The following UBE2V1 variants were observed in gnomAD, a reference collection of about 807,000 sequenced individuals.
UBE2V1 encodes the protein ubiquitin conjugating enzyme E2 V1, also known as ubiquitin-conjugating enzyme E2 variant 1.
A neutral mutation model predicts 19.6 loss-of-function variants in UBE2V1; 15 were observed. That is an observed-to-expected ratio of 0.77 (90% confidence interval 0.51 to 1.18). The LOEUF (loss-of-function observed/expected upper bound fraction) is 1.18, where lower values mean the gene tolerates loss of function less well. Ranked by LOEUF, UBE2V1 falls within the 50% of genes most tolerant of loss-of-function variation. UBE2V1 has a pLI of 0.00. For synonymous variants in UBE2V1, 60 were observed against 60.7 expected (o/e 0.99, Z 0.05); for missense variants, 125 against 184.8 (o/e 0.68, Z 1.88).
chr20:50,111,325 G>A (rs1189675454), intron 1 of UBE2V1: 1 of 994,234 alleles, frequency 1.0e-6, no homozygotes, highest in Non-Finnish European at 1.2e-6. Flanking sequence ...TTAGAACCGG[G>A]CAGCTGTTAA....
intron 1 of UBE2V1, chr20:50,108,912 C>T (rs1337384452): frequency 2.2e-5 from 22 of 984,836 alleles, no homozygotes; most frequent in Non-Finnish European, 1.2e-6. Context: ...TACTAAAGCC[C>T]TTTCTCTCTC....
At chr20:50,090,106 G>C (rs770787202) in intron 2 of UBE2V1, among the ~76,000 whole-genome samples, 1 of 152,204 alleles carries the variant, frequency 6.6e-6, no homozygotes, top group Admixed American at 6.6e-5. Flanking sequence ...TTCTGCAGCA[G>C]TATCTCTGTG....
intron 2 of UBE2V1, 88 bp from the exon 3 acceptor site, chr20:50,084,342 T>G (rs775758743): frequency 1.9e-6 from 3 of 1,601,896 alleles, no homozygotes; most frequent in Non-Finnish European, 2.6e-6. Flanking sequence ...TATCCCTGAC[T>G]GTAGAACTGG....
chr20:50,107,968 C>T (rs1360653398), intron 1 of UBE2V1, among the ~76,000 whole-genome samples: 1 of 152,204 alleles, frequency 6.6e-6, no homozygotes, highest in Non-Finnish European at 1.5e-5. Flanking sequence ...TGAAGAACAG[C>T]AGTCAGGCCC....
chr20:50,114,064 T>A (rs974245082), upstream of UBE2V1, among the ~76,000 whole-genome samples: 25 of 151,964 alleles, frequency 1.6e-4, no homozygotes, highest in Non-Finnish European at 7.4e-5. Context: ...AATGAGGAGG[T>A]AGAGGGAACA....
chr20:50,107,336 C>T (rs2080454535), intron 1 of UBE2V1, among the ~76,000 whole-genome samples: 1 of 152,174 alleles, frequency 6.6e-6, no homozygotes, highest in Non-Finnish European at 1.5e-5. Flanking sequence ...AGATCCATTG[C>T]TCTAGGGGAA....
chr20:50,082,763 T>C lies in UBE2V1; in HGVS notation c.*5A>G. ...AGGGGAAGGGCCTGTGGTTTTTCTTTTTGATTAATTGCTGTAACACTGTCC... is the reference window on the plus strand; with the variant it reads ...AGGGGAAGGGCCTGTGGTTTTTCTTCTTGATTAATTGCTGTAACACTGTCC... On this transcript the variant is annotated 3_prime_UTR_variant, in exon 4 of 4. Transcript: ENST00000371674. 1.2e-6 allele frequency: 2 copies of C among 1,609,620 alleles called. No homozygotes were observed. The highest frequency in any genetic ancestry group is 2.2e-5 in the East Asian group (1 of 44,858).
chr20:50,097,484 C>G (rs374799705), intron 1 of UBE2V1, among the ~76,000 whole-genome samples: 2 of 152,200 alleles, frequency 1.3e-5, no homozygotes, highest in Non-Finnish European at 2.9e-5. Context: ...CTCACAGGTT[C>G]AAGCCACAGT....
At chr20:50,096,538 G>T in intron 2 of UBE2V1, 134 bp downstream of exon 2, 2 of 1,583,268 alleles carry the variant, frequency 1.3e-6, no homozygotes, top group Non-Finnish European at 1.7e-6. Context: ...ACTGAAACTG[G>T]TCAAAAAAGA....
chr20:50,108,752 G>A (rs1013914936), intron 1 of UBE2V1, among the ~76,000 whole-genome samples: 1 of 152,188 alleles, frequency 6.6e-6, no homozygotes, highest in Non-Finnish European at 1.5e-5. Flanking sequence ...AAGCCCAAGA[G>A]GTGTGAGTCA....
At chr20:50,083,039 C>T (rs777104896) in intron 3 of UBE2V1, 125 bp from the exon 4 acceptor site, 13 of 1,446,566 alleles carry the variant, frequency 9.0e-6, no homozygotes, top group Non-Finnish European at 1.1e-5. Flanking sequence ...GCTGCTAATC[C>T]TAATACCTTA....
At chr20:50,091,663 A>G (rs113755117) in intron 2 of UBE2V1, among the ~76,000 whole-genome samples, 1 of 152,130 alleles carries the variant, frequency 6.6e-6, no homozygotes, top group African/African-American at 2.4e-5. Context: ...AAAGTGCTGG[A>G]ATTACAGGCG....
chr20:50,112,488 A>C (rs2080822425), intron 1 of UBE2V1, among the ~76,000 whole-genome samples: 1 of 152,030 alleles, frequency 6.6e-6, no homozygotes. Flanking sequence ...GACCCCCTTC[A>C]TTCTCCCCAA....
chr20:50,112,096 G>A (rs1436139198), intron 1 of UBE2V1, among the ~76,000 whole-genome samples: 1 of 152,328 alleles, frequency 6.6e-6, no homozygotes, highest in East Asian at 1.9e-4. Context: ...AGGAGTCGAT[G>A]AGAGTGAGCG....
intron 1 of UBE2V1, among the ~76,000 whole-genome samples, chr20:50,108,083 A>C (rs1372971622): frequency 6.6e-6 from 1 of 152,210 alleles, no homozygotes; most frequent in Non-Finnish European, 1.5e-5. Flanking sequence ...ATTCTGTAAT[A>C]AGAGCAGTGG....
chr20:50,082,791 C>T lies in UBE2V1; in HGVS notation c.421G>A (p.Glu141Lys), dbSNP rs1337037767. 3 of 1,612,862 alleles carry T rather than the reference C, an allele frequency of 1.9e-6. No individual in the cohort carries two copies. The highest frequency in any genetic ancestry group is 2.5e-6 in the Non-Finnish European group (3 of 1,179,824). Reference sequence around the variant, plus strand: ...GATTAATTGCTGTAACACTGTCCTTCGGGCGGCTGAGGGAGTTTCATATTT... The same window carrying T: ...GATTAATTGCTGTAACACTGTCCTTTGGGCGGCTGAGGGAGTTTCATATTT... ...KENMKLPQPP[E>K]GQCYSN The change falls in exon 4 of 4, where the codon GAA (glutamate) becomes AAA (lysine). Residue 141 changes from glutamate (E) to lysine (K), a missense_variant. Glu to Lys is a moderately conservative substitution (Grantham distance 56). Around this residue, in one of 3 missense-constraint regions of UBE2V1, gnomAD observed 78 missense variants for 108.8 expected, o/e 0.72. Coordinates refer to ENST00000371674, the MANE Select transcript of UBE2V1 (RefSeq NM_001032288.3).
At chr20:50,091,380 A>G (rs1960069471) in intron 2 of UBE2V1, among the ~76,000 whole-genome samples, 2 of 147,174 alleles carry the variant, frequency 1.4e-5, no homozygotes, top group South Asian at 2.2e-4. Flanking sequence ...GAATATATTC[A>G]TATTCATTAA....
chr20:50,115,714 A>G (rs2080988289), upstream of UBE2V1: 1 of 1,061,998 alleles, frequency 9.4e-7, no homozygotes, highest in Admixed American at 4.1e-5. Context: ...CGTTACATCC[A>G]ACTTTTAATC....
upstream of UBE2V1, chr20:50,115,340 G>T: frequency 7.4e-7 from 1 of 1,344,564 alleles, no homozygotes; most frequent in Non-Finnish European, 9.7e-7. Context: ...GCCAGCACTG[G>T]CTACAGGTGA....
Sources: gnomAD v4.1 joint callset for allele counts (sites outside exome capture counted in the v4.1 genomes callset) on GRCh38, gnomAD v4.1.1 for gene constraint, gnomAD v4.1.1 regional missense constraint, MANE v1.5 for transcripts, NCBI Gene and HGNC (gene_info 2026-07-23, HGNC 2026-07-21) for gene names.